The following KLHDC4 variants were observed in gnomAD, a reference collection of about 807,000 sequenced individuals.
KLHDC4 encodes the protein kelch domain-containing protein 4.
In KLHDC4, 90 loss-of-function variants were observed where a neutral mutation model predicts 62.4. The ratio of observed to expected loss-of-function variants is 1.44; its 90% confidence interval spans 1.22 to 1.72. The LOEUF (loss-of-function observed/expected upper bound fraction) is 1.72, where lower values mean the gene tolerates loss of function less well. KLHDC4 is among the 40% of genes most tolerant of loss of function. The probability of loss-of-function intolerance (pLI) is 0.00; values close to 1 mark genes in which losing one functional copy is unlikely to be tolerated. For synonymous variants in KLHDC4, 386 were observed against 284.4 expected, an observed-to-expected ratio of 1.36 and a Z score of -3.59; for missense variants, 1,025 against 699.7, an observed-to-expected ratio of 1.47 and a Z score of -5.25.
Position 87,748,748 on chromosome 16 carries a change from G to C in KLHDC4, c.431C>G (p.Pro144Arg), listed in dbSNP as rs1340106386. The C allele has an allele frequency of 1.2e-6, 2 of 1,613,392 alleles. No individual in the cohort carries two copies. The highest frequency in any genetic ancestry group is 3.3e-5 in the Admixed American group (2 of 59,894). ...LWVFGGEFAS[P>R]NGEQFYHYKD... is the part of the protein sequence containing the mutation. ...GTAGTGGTAGAACTGCTCTCCGTTG[G>C]GAGAGGCAAACTCCCCTCCAAAGAC... Residue 144 changes from proline to arginine, a missense_variant, in exon 5 of 12, where the codon CCC becomes CGC. Coordinates refer to ENST00000270583, the MANE Select transcript of KLHDC4 (RefSeq NM_017566.4).
chr16:87,761,966 G>T lies in KLHDC4; in HGVS notation c.174C>A (p.Cys58Ter). The T allele has an allele frequency of 6.2e-7, 1 of 1,613,698 alleles. No homozygotes were observed. Among genetic ancestry groups the T allele is most frequent in the South Asian group, 1.1e-5 (1 of 90,990 alleles). Reference sequence around the variant, plus strand: ...TTGCTCACCTTGGTGAGGGTGGGGGGCACGGAAGTTCCACAGTCTGAGTCC... The same window carrying T: ...TTGCTCACCTTGGTGAGGGTGGGGGTCACGGAAGTTCCACAGTCTGAGTCC... Reference protein sequence around the residue: ...AKRTQTVELPCPPPSPRLNAS... With the variant: ...AKRTQTVELP The change falls in exon 2 of 12, where the codon TGC becomes TGA. Residue 58 changes from cysteine (C) to a stop codon, truncating the protein, a stop_gained. Coordinates refer to ENST00000270583, the MANE Select transcript of KLHDC4 (RefSeq NM_017566.4). LOFTEE classifies it high-confidence loss of function.
downstream of KLHDC4, among the ~76,000 whole-genome samples, chr16:87,705,154 G>T (rs2142888026): frequency 6.6e-6 from 1 of 152,344 alleles, no homozygotes; most frequent in Non-Finnish European, 1.5e-5. Flanking sequence ...CAAGAACGTG[G>T]CACCGAGTAC....
chr16:87,748,975 A>C (rs1330971681), intron 4 of KLHDC4, among the ~76,000 whole-genome samples, 166 bp from the exon 5 acceptor site: 1 of 148,042 alleles, frequency 6.8e-6, no homozygotes, highest in Non-Finnish European at 1.5e-5. Flanking sequence ...GGAGGATTCC[A>C]GACAAACACC....
At chr16:87,748,600 C>G in intron 5 of KLHDC4, 73 bp downstream of exon 5, 1 of 1,586,142 alleles carries the variant, frequency 6.3e-7, no homozygotes, top group Non-Finnish European at 8.6e-7. Context: ...GAGGTCTGCT[C>G]CGAGCACTCG....
chr16:87,756,368 T>A, intron 3 of KLHDC4, 31 bp downstream of exon 3: 2 of 1,493,088 alleles, frequency 1.3e-6, no homozygotes, highest in Non-Finnish European at 1.9e-6. Flanking sequence ...TCACGCAACA[T>A]GGGAAGAAAA....
chr16:87,741,294 C>A (rs1221008481), intron 5 of KLHDC4, among the ~76,000 whole-genome samples: 1 of 152,218 alleles, frequency 6.6e-6, no homozygotes, highest in Non-Finnish European at 1.5e-5. Flanking sequence ...GAGGCCCAGG[C>A]GCCCTGCTGC....
intron 5 of KLHDC4, among the ~76,000 whole-genome samples, chr16:87,743,684 G>A (rs891512067): frequency 2.0e-5 from 3 of 151,890 alleles, no homozygotes; most frequent in African/African-American, 7.3e-5. Context: ...AGCTTGCAGT[G>A]AGCCGAGATC....
intron 7 of KLHDC4, among the ~76,000 whole-genome samples, chr16:87,716,850 T>A (rs2037097956): frequency 6.6e-6 from 1 of 152,154 alleles, no homozygotes; most frequent in Non-Finnish European, 1.5e-5. Context: ...GAGAATGGCA[T>A]GAACCCAGGA....
At position 87,714,408 on chromosome 16, in the gene KLHDC4, G is replaced by A. The variant is rs560087463; in HGVS notation, c.835+90C>T. 97 of 1,160,216 alleles carry A rather than the reference G, an allele frequency of 8.4e-5. 2 individuals carry two copies. Among genetic ancestry groups the A allele is most frequent in the Middle Eastern group, 7.8e-4 (2 of 2,552 alleles). The allele number at this position is 1,160,216 out of a possible 1,614,324, so 71.9% of individuals were successfully genotyped here. On this transcript the variant is annotated intron_variant, in intron 8 of 11. Transcript: ENST00000270583. Reference sequence around the variant, plus strand: ...TCCGGGCAGGGTGCAGGGGCTCACCGCCAGCCCCACATCCATGGGAGGGTG... The same window carrying A: ...TCCGGGCAGGGTGCAGGGGCTCACCACCAGCCCCACATCCATGGGAGGGTG...
At chr16:87,752,859 G>A (rs533513321) in intron 4 of KLHDC4, among the ~76,000 whole-genome samples, 1 of 152,194 alleles carries the variant, frequency 6.6e-6, no homozygotes, top group African/African-American at 2.4e-5. Flanking sequence ...GCCCACGATG[G>A]AGCAACCTGT....
intron 5 of KLHDC4, among the ~76,000 whole-genome samples, chr16:87,745,208 T>G (rs148312577): frequency 6.6e-6 from 1 of 152,162 alleles, no homozygotes; most frequent in African/African-American, 2.4e-5. Flanking sequence ...CCTACACCCA[T>G]ATTGCCCAGC....
intron 7 of KLHDC4, among the ~76,000 whole-genome samples, chr16:87,717,762 G>A (rs1463716524): frequency 6.8e-6 from 1 of 148,108 alleles, no homozygotes; most frequent in Non-Finnish European, 1.5e-5. Context: ...GGAATTCAGT[G>A]ACGTCTCTAT....
chr16:87,744,802 G>A (rs746013871), intron 5 of KLHDC4, among the ~76,000 whole-genome samples: 2 of 152,152 alleles, frequency 1.3e-5, no homozygotes, highest in East Asian at 1.9e-4. Context: ...CCCTTCTCCT[G>A]TGCACGTACA....
exon 1 of KLHDC4, chr16:87,702,428 G>A: frequency 2.7e-6 from 1 of 369,238 alleles, no homozygotes; most frequent in Non-Finnish European, 5.3e-6. Context: ...GGAACCCCCG[G>A]CTTTCTCGCT....
chr16:87,729,278 C>G (rs553590752), intron 6 of KLHDC4: 2 of 152,252 alleles, frequency 1.3e-5, no homozygotes, highest in African/African-American at 4.8e-5. Context: ...CACGATGGAT[C>G]AAGAATCACG....
chr16:87,753,834 G>A (rs1041560135), intron 4 of KLHDC4, among the ~76,000 whole-genome samples: 3 of 151,464 alleles, frequency 2.0e-5, no homozygotes, highest in South Asian at 2.1e-4. Flanking sequence ...TTAGCCAAGC[G>A]TGGTGGCGGG....
chr16:87,714,837 C>A (rs985641983), intron 7 of KLHDC4, among the ~76,000 whole-genome samples: 2 of 152,200 alleles, frequency 1.3e-5, no homozygotes, highest in Non-Finnish European at 2.9e-5. Context: ...GGGGCACGCA[C>A]AGCTTCCACA....
chr16:87,711,332 C>T lies in KLHDC4; in HGVS notation c.947G>A (p.Cys316Tyr). Reference protein sequence around the residue: ...NHQTLFFGGVCDEEEEESLSG... With the variant: ...NHQTLFFGGVYDEEEEESLSG... ...CAGGCTCTCCTCCTCTTCCTCGTCACAGACACCCCCGAAGAACAGTGTCTG... is the reference window on the plus strand; with the variant it reads ...CAGGCTCTCCTCCTCTTCCTCGTCATAGACACCCCCGAAGAACAGTGTCTG... Residue 316 changes from cysteine (C) to tyrosine (Y), a missense_variant, in exon 9 of 12, where the codon TGT becomes TAT. Cys to Tyr is a radical substitution (Grantham distance 194). Coordinates refer to ENST00000270583, the MANE Select transcript of KLHDC4 (RefSeq NM_017566.4). 6.2e-7 allele frequency: 1 copy of T among 1,614,074 alleles called. No homozygotes were observed.
intron 5 of KLHDC4, among the ~76,000 whole-genome samples, chr16:87,740,228 C>T (rs1254928968): frequency 1.3e-5 from 2 of 152,318 alleles, no homozygotes; most frequent in African/African-American, 2.4e-5. Flanking sequence ...GCTCAGCCGG[C>T]AGGGCAGGCC....
Sources: gnomAD v4.1 joint callset for allele counts (sites outside exome capture counted in the v4.1 genomes callset) on GRCh38, gnomAD v4.1.1 for gene constraint, MANE v1.5 for transcripts, NCBI Gene and HGNC (gene_info 2026-07-23, HGNC 2026-07-21) for gene names.